Variants in NRG3 observed in about 807,000 individuals in gnomAD.
NRG3 encodes the protein neuregulin 3, also known as pro-neuregulin-3, membrane-bound isoform.
In NRG3, 31 loss-of-function variants were observed where a neutral mutation model predicts 66.9. The ratio of observed to expected loss-of-function variants is 0.46; its 90% confidence interval spans 0.35 to 0.63. The LOEUF (loss-of-function observed/expected upper bound fraction) is 0.63. Among genes scored for constraint, NRG3 ranks in the 20% least tolerant of loss-of-function variants. The pLI is 0.00. For synonymous variants in NRG3, 393 were observed against 359.4 expected (o/e 1.09, Z -1.06); for missense variants, 910 against 878.9 (o/e 1.04, Z -0.45).
At chr10:82,223,421 A>G (rs1187903757) in intron 1 of NRG3, among the ~76,000 whole-genome samples, 1 of 152,166 alleles carries the variant, frequency 6.6e-6, no homozygotes, top group Non-Finnish European at 1.5e-5. Flanking sequence ...AAGCTTTTCT[A>G]CAACTGCAGG....
At position 82,108,768 on chromosome 10, in the gene NRG3, C is replaced by T. The variant is rs576481913; in HGVS notation, c.823+232605C>T. Among the ~76,000 whole-genome samples the T allele has an allele frequency of 3.9e-5, 6 of 152,240 alleles. No homozygotes were observed. The East Asian group carries it at 1.2e-3, about 29-fold the overall frequency. On this transcript the variant is annotated intron_variant, in intron 1 of 8. Coordinates refer to ENST00000372141, the MANE Select transcript of NRG3 (RefSeq NM_001010848.4). ...GCCTGATTGTTGGGTAGGAGATGAGCACTTTGATGTTCCTTACAGAAGGTT... is the reference window on the plus strand; with the variant it reads ...GCCTGATTGTTGGGTAGGAGATGAGTACTTTGATGTTCCTTACAGAAGGTT...
At chr10:82,402,093 A>G in intron 2 of NRG3, among the ~76,000 whole-genome samples, 1 of 152,122 alleles carries the variant, frequency 6.6e-6, no homozygotes. Flanking sequence ...TCTAAGAAAC[A>G]TCTTTAGAAA....
At chr10:82,119,598 A>C (rs2067955466) in intron 1 of NRG3, among the ~76,000 whole-genome samples, 1 of 152,120 alleles carries the variant, frequency 6.6e-6, no homozygotes, top group Non-Finnish European at 1.5e-5. Flanking sequence ...TTGGCTACTC[A>C]CTACCTAGAA....
At chr10:82,424,720 G>A (rs964624214) in intron 2 of NRG3, among the ~76,000 whole-genome samples, 2 of 151,682 alleles carry the variant, frequency 1.3e-5, no homozygotes, top group African/African-American at 4.8e-5. Flanking sequence ...CACCTAACTC[G>A]AGGACACAAA....
At chr10:81,959,573 T>C (rs940070386) in intron 1 of NRG3, among the ~76,000 whole-genome samples, 6 of 152,178 alleles carry the variant, frequency 3.9e-5, no homozygotes, top group Admixed American at 3.9e-4. Context: ...TTTGTTGTGG[T>C]TTTCTTCATG....
intron 1 of NRG3, among the ~76,000 whole-genome samples, chr10:82,248,064 A>G (rs1220406349): frequency 6.6e-6 from 1 of 152,158 alleles, no homozygotes; most frequent in African/African-American, 2.4e-5. Context: ...TCTCTGTCCA[A>G]TGGCCCATCT....
intron 2 of NRG3, among the ~76,000 whole-genome samples, chr10:82,427,472 T>G (rs1384466893): frequency 6.6e-6 from 1 of 152,210 alleles, no homozygotes; most frequent in Non-Finnish European, 1.5e-5. Flanking sequence ...TCTATTGATA[T>G]GATGTATTAC....
At chr10:81,954,538 T>TTCTC (rs1849645863) in intron 1 of NRG3, among the ~76,000 whole-genome samples, 1 of 151,940 alleles carries the variant, frequency 6.6e-6, no homozygotes, top group South Asian at 2.1e-4. Flanking sequence ...AGAGCTTGCT[T>TTCTC]TCTCTCTCTC....
At chr10:82,657,336 G>A (rs2051952769) in intron 2 of NRG3, among the ~76,000 whole-genome samples, 1 of 152,022 alleles carries the variant, frequency 6.6e-6, no homozygotes, top group South Asian at 2.1e-4. Flanking sequence ...TGAGATACAG[G>A]GAGTGCTAGT....
At chr10:81,998,944 G>A (rs1371678179) in intron 1 of NRG3, among the ~76,000 whole-genome samples, 2 of 152,090 alleles carry the variant, frequency 1.3e-5, no homozygotes, top group African/African-American at 4.8e-5. Flanking sequence ...AGCCTCTCAA[G>A]TAGCTGGGAT....
chr10:82,641,861 T>A (rs1181725139), intron 2 of NRG3, among the ~76,000 whole-genome samples: 2 of 152,184 alleles, frequency 1.3e-5, no homozygotes, highest in Non-Finnish European at 2.9e-5. Context: ...ATTAAATGTA[T>A]GTGGTAAGTG....
At chr10:82,050,632 A>C (rs2063546805) in intron 1 of NRG3, among the ~76,000 whole-genome samples, 2 of 151,660 alleles carry the variant, frequency 1.3e-5, no homozygotes, top group South Asian at 4.2e-4. Flanking sequence ...TTTTATTGGG[A>C]GTGTAAATTT....
chr10:82,971,414 G>A (rs187099948), intron 6 of NRG3, among the ~76,000 whole-genome samples: 9 of 149,706 alleles, frequency 6.0e-5, no homozygotes, highest in East Asian at 5.9e-4. Context: ...TATAATTTTC[G>A]TGACTAGTTG....
chr10:82,853,676 T>C (rs982902207), intron 3 of NRG3, among the ~76,000 whole-genome samples: 3 of 152,212 alleles, frequency 2.0e-5, no homozygotes, highest in Non-Finnish European at 2.9e-5. Flanking sequence ...GCTAGATTCA[T>C]TTATCAGTTC....
chr10:82,120,913 G>A (rs2068047787), intron 1 of NRG3, among the ~76,000 whole-genome samples: 1 of 152,028 alleles, frequency 6.6e-6, no homozygotes, highest in Admixed American at 6.6e-5. Context: ...CCATGTTTCT[G>A]CCTGTTTCTT....
chr10:82,765,503 A>C (rs780256892), intron 3 of NRG3, among the ~76,000 whole-genome samples: 2 of 152,172 alleles, frequency 1.3e-5, no homozygotes, highest in African/African-American at 4.8e-5. Context: ...AAACTAAAGG[A>C]TGCTAATTAC....
chr10:82,086,882 C>A (rs1011411764), intron 1 of NRG3, among the ~76,000 whole-genome samples: 1 of 152,110 alleles, frequency 6.6e-6, no homozygotes, highest in East Asian at 1.9e-4. Flanking sequence ...ATCTCAAATG[C>A]TGTATCAATG....
In NRG3 at chr10:82,819,780, C is replaced by T. The variant is rs557834607; in HGVS notation, c.1028-45631C>T. Among the ~76,000 whole-genome samples the T allele has an allele frequency of 3.8e-3, 583 of 152,234 alleles. 1 individual carries two copies. Among genetic ancestry groups the T allele is most frequent in the Non-Finnish European group, 6.0e-3 (406 of 68,020 alleles). The stretch of plus-strand genomic sequence containing the variant: ...AGGTTATGTAAGACCTTATTGTGGG[C>T]TTTACATGCTTTGGCATCCAGTACA... On this transcript the variant is annotated intron_variant, in intron 3 of 8. Transcript: ENST00000372141.
chr10:82,313,780 T>C (rs945834242), intron 1 of NRG3, among the ~76,000 whole-genome samples: 1 of 152,208 alleles, frequency 6.6e-6, no homozygotes, highest in African/African-American at 2.4e-5. Context: ...CACATCCATT[T>C]TATCCTCTCT....
Sources: allele counts gnomAD v4.1 joint callset (sites outside exome capture counted in the v4.1 genomes callset), GRCh38; gene constraint gnomAD v4.1.1; transcripts MANE v1.5; gene names NCBI Gene and HGNC (gene_info 2026-07-23, HGNC 2026-07-21).